PDPR: variants seen among roughly 807,000 people sequenced by gnomAD.
The protein encoded by PDPR is pyruvate dehydrogenase phosphatase regulatory subunit, mitochondrial.
A neutral mutation model predicts 102.2 loss-of-function variants in PDPR; 50 were observed. That is an observed-to-expected ratio of 0.49 (90% CI 0.39 to 0.62). PDPR has a LOEUF of 0.62. Ranked by LOEUF, PDPR falls within the 20% of genes least tolerant of loss-of-function variation. The pLI, the probability that PDPR is intolerant of heterozygous loss-of-function variation, is 0.00. For synonymous variants in PDPR, 259 were observed against 406.0 expected, an observed-to-expected ratio of 0.64 and a Z score of 4.35; for missense variants, 625 against 1,098.2, an observed-to-expected ratio of 0.57 and a Z score of 6.09.
chr16:70,144,010 G>A (rs1489294697), intron 14 of PDPR, among the ~76,000 whole-genome samples: 2 of 152,172 alleles, frequency 1.3e-5, no homozygotes, highest in African/African-American at 2.4e-5. Flanking sequence ...TCCCACCTCA[G>A]CTTTCCAGGT....
chr16:70,130,915 TA>T (rs1163877626), intron 7 of PDPR, among the ~76,000 whole-genome samples: 3 of 152,290 alleles, frequency 2.0e-5, no homozygotes, highest in Non-Finnish European at 2.9e-5. Context: ...CTGCTTCTTT[TA>T]AAGCAGATTG....
rs554391709 is a variant in PDPR at position 70,158,094 on chromosome 16, C to T, written c.*1215C>T. On this transcript the variant is annotated 3_prime_UTR_variant, in exon 19 of 19. Transcript: ENST00000288050. The stretch of plus-strand genomic sequence containing the variant: ...TAGAGACCGCTTTTCCTCCTTTCCC[C>T]CCAGGCTCTTTGTTTCCCTCCACCC... 8 of 153,246 alleles carry T rather than the reference C, an allele frequency of 5.2e-5. No homozygotes were observed. In the South Asian group the frequency reaches 1.7e-3, roughly 32 times the overall value. 9.5% of individuals were successfully genotyped at this position (153,246 alleles called of 1,614,324 possible). A position where few individuals can be genotyped will look rare whatever the true frequency, so the allele number is the denominator to read the frequency against.
intron 17 of PDPR, among the ~76,000 whole-genome samples, chr16:70,152,109 C>T (rs536449537): frequency 2.0e-3 from 308 of 152,276 alleles, no homozygotes; most frequent in Non-Finnish European, 3.3e-3. Context: ...GTATTCTCCT[C>T]GTCCTGCCGC....
In PDPR at chr16:70,153,499, T is replaced by A. The variant is rs200724918; in HGVS notation, c.2161T>A (p.Phe721Ile). The change falls in exon 18 of 19, where the codon TTC becomes ATC. Residue 721 changes from phenylalanine to isoleucine, a missense_variant. By Grantham distance (21) the Phe-to-Ile change is conservative. Around this residue, in one of 11 missense-constraint regions of PDPR, gnomAD observed 303 missense variants for 258.9 expected, o/e 1.17. Transcript: ENST00000288050. ...TCTCCGAATTGAGAAGTTTTTTGCC[T>A]TCTGGGGTCAGGATATAAATAACCT... is the stretch of plus-strand genomic sequence containing the variant. ...RSLRIEKFFA[F>I]WGQDINNLTT... 6.2e-7 allele frequency: 1 copy of A among 1,613,056 alleles called. No homozygotes were observed.
At position 70,158,804 on chromosome 16, in the gene PDPR, C is replaced by A. The variant is rs1967495583; in HGVS notation, c.*1925C>A. 1 of 152,874 alleles carries A rather than the reference C, an allele frequency of 6.5e-6. No homozygotes were observed. Among genetic ancestry groups the A allele is most frequent in the South Asian group, 2.1e-4 (1 of 4,836 alleles). The allele number at this position is 152,874 out of a possible 1,614,324, so 9.5% of individuals were successfully genotyped here. On this transcript the variant is annotated 3_prime_UTR_variant, in exon 19 of 19. Transcript: ENST00000288050. ...GCATTACCAGCAGGGAGCAGACTTA[C>A]CTCCGAAGATGGAGACAGGTGACTG...
intron 18 of PDPR, among the ~76,000 whole-genome samples, chr16:70,154,859 G>A (rs976043133): frequency 3.3e-5 from 5 of 152,328 alleles, no homozygotes; most frequent in Admixed American, 2.0e-4. Flanking sequence ...GGGTGGTCTC[G>A]AACTCCTGAG....
At chr16:70,133,460 C>T (rs1964766458) in intron 9 of PDPR, among the ~76,000 whole-genome samples, 2 of 130,176 alleles carry the variant, frequency 1.5e-5, no homozygotes, top group Non-Finnish European at 3.1e-5. Flanking sequence ...CTCTGTCGCC[C>T]AGACTGGAGT....
rs71385645 is a variant in PDPR, at chr16:70,158,559, TAA to T, written c.*1682_*1683del. 8.6e-5 allele frequency: 1 copy of T among 11,568 alleles called. No homozygotes were observed. Among genetic ancestry groups the T allele is most frequent in the African/African-American group, 2.4e-4 (1 of 4,178 alleles). 0.7% of individuals were successfully genotyped at this position (11,568 alleles called of 1,614,324 possible). ...CCTAGTGATTACTGACTTTAGTGCCTAAACCTTTTTGGAAGGTTCTGGTTGGC... is the reference window on the plus strand; with the variant it reads ...CCTAGTGATTACTGACTTTAGTGCCTACCTTTTTGGAAGGTTCTGGTTGGC... On this transcript the variant is annotated 3_prime_UTR_variant, in exon 19 of 19. Coordinates refer to ENST00000288050, the MANE Select transcript of PDPR (RefSeq NM_017990.5).
In PDPR at chr16:70,156,836, G is replaced by C. The variant is rs375340611; in HGVS notation, c.2597G>C (p.Arg866Pro). The C allele has an allele frequency of 6.2e-7, 1 of 1,613,970 alleles. No homozygotes were observed. The change falls in exon 19 of 19, where the codon CGC becomes CCC. Residue 866 changes from arginine (R) to proline (P), a missense_variant. Around this residue, in one of 11 missense-constraint regions of PDPR, gnomAD observed 303 missense variants for 258.9 expected, o/e 1.17. Coordinates refer to ENST00000288050, the MANE Select transcript of PDPR (RefSeq NM_017990.5). ...GTCGCCTCCCTCTTCACCCAGAAGC[G>C]CCGAAAGGATGACATGGAGCTGAGT... ...YPVASLFTQK[R>P]RKDDMELSDL... is the part of the protein sequence containing the mutation.
Position 70,160,566 on chromosome 16 carries a change from G to T in PDPR, c.*3687G>T, listed in dbSNP as rs912261653. 2 of 152,566 alleles carry T rather than the reference G, an allele frequency of 1.3e-5. No individual in the cohort carries two copies. The highest frequency in any genetic ancestry group is 6.5e-5 in the Admixed American group (1 of 15,288). The allele number at this position is 152,566 out of a possible 1,614,324, so 9.5% of individuals were successfully genotyped here. Reference sequence around the variant, plus strand: ...CCCCGGTTTCACTCTGGCCCCAGGAGTGGAGCCTGGCCACTCCTGTTTGGT... The same window carrying T: ...CCCCGGTTTCACTCTGGCCCCAGGATTGGAGCCTGGCCACTCCTGTTTGGT... On this transcript the variant is annotated 3_prime_UTR_variant, in exon 19 of 19. Transcript: ENST00000288050.
intron 17 of PDPR, among the ~76,000 whole-genome samples, chr16:70,150,610 T>C (rs1461825628): frequency 6.6e-6 from 1 of 150,756 alleles, no homozygotes; most frequent in African/African-American, 2.4e-5. Context: ...GAGGCTGAAG[T>C]GATCCCCCTG....
Position 70,157,071 on chromosome 16 carries a change from C to T in PDPR, c.*192C>T, listed in dbSNP as rs992875334. 4.2e-5 allele frequency: 34 copies of T among 800,476 alleles called. No individual in the cohort carries two copies. The Admixed American group carries it at 6.2e-4, about 15-fold the overall frequency. 49.6% of individuals were successfully genotyped at this position (800,476 alleles called of 1,614,324 possible). ...TGCAGCCTTCCTTGCCCTTCCACCTCCTCCTCCTAATATTCACTCTGGGCT... is the reference window on the plus strand; with the variant it reads ...TGCAGCCTTCCTTGCCCTTCCACCTTCTCCTCCTAATATTCACTCTGGGCT... On this transcript the variant is annotated 3_prime_UTR_variant, in exon 19 of 19. Coordinates refer to ENST00000288050, the MANE Select transcript of PDPR (RefSeq NM_017990.5).
intron 9 of PDPR, 75 bp from the exon 10 acceptor site, chr16:70,136,119 A>C (rs1275955001): frequency 3.6e-5 from 40 of 1,102,310 alleles, no homozygotes; most frequent in Admixed American, 2.6e-4. Context: ...GGAGAGTGTA[A>C]AAAAGTAGAG....
In PDPR at chr16:70,120,606, C is replaced by A. The variant is rs761935756; in HGVS notation, c.114C>A (p.Ala38=). Residue 38 remains alanine, a synonymous_variant, in exon 3 of 19, where the codon GCC becomes GCA. Coordinates refer to ENST00000288050, the MANE Select transcript of PDPR (RefSeq NM_017990.5). ...CAGCTGCCGAGGCGCGTTCCATGGCCCTGCCCACCCAGGCACAGGTGGTCA... is the reference window on the plus strand; with the variant it reads ...CAGCTGCCGAGGCGCGTTCCATGGCACTGCCCACCCAGGCACAGGTGGTCA... ...STSAAEARSM[A]LPTQAQVVIC... 6.2e-7 allele frequency: 1 copy of A among 1,613,856 alleles called. No individual in the cohort carries two copies. The highest frequency in any genetic ancestry group is 1.1e-5 in the South Asian group (1 of 91,088).
In PDPR at chr16:70,132,236, A is replaced by G. The variant is rs368684696; in HGVS notation, c.933A>G (p.Pro311=). 11 of 1,613,934 alleles carry G rather than the reference A, an allele frequency of 6.8e-6. No individual in the cohort carries two copies. In the African/African-American group the frequency reaches 1.5e-4, roughly 22 times the overall value. Residue 311 remains proline (P), a synonymous_variant, in exon 9 of 19, where the codon CCA becomes CCG. Coordinates refer to ENST00000288050, the MANE Select transcript of PDPR (RefSeq NM_017990.5). ...LSGGFEKNPK[P]IFTEGKNQLE... ...GGGGCTTTGAGAAGAACCCGAAACC[A>G]ATTTTCACTGAGGGCAAGAACCAGC...
At position 70,157,211 on chromosome 16, in the gene PDPR, C is replaced by G. The variant is rs575131330; in HGVS notation, c.*332C>G. 335 of 567,286 alleles carry G rather than the reference C, an allele frequency of 5.9e-4. No homozygotes were observed. The highest frequency in any genetic ancestry group is 5.0e-3 in the African/African-American group (270 of 54,072). The allele number at this position is 567,286 out of a possible 1,614,324, so 35.1% of individuals were successfully genotyped here. Reference sequence around the variant, plus strand: ...TGATGGTGACAGCTGCTTTCAAATTCTGCATCTCAAGGCAGGGCAAGCCGG... The same window carrying G: ...TGATGGTGACAGCTGCTTTCAAATTGTGCATCTCAAGGCAGGGCAAGCCGG... On this transcript the variant is annotated 3_prime_UTR_variant, in exon 19 of 19. Coordinates refer to ENST00000288050, the MANE Select transcript of PDPR (RefSeq NM_017990.5).
chr16:70,156,215 G>GTCTTGTGA (rs1967165745), intron 18 of PDPR: 1 of 529,512 alleles, frequency 1.9e-6, no homozygotes, highest in African/African-American at 1.9e-5. Context: ...GTTCTATCTG[G>GTCTTGTGA]TCTTGTGACT....
intron 2 of PDPR, 28 bp from the exon 3 acceptor site, chr16:70,120,433 A>G (rs1329143039): frequency 1.8e-5 from 21 of 1,189,688 alleles, no homozygotes; most frequent in Non-Finnish European, 2.6e-5. Flanking sequence ...GTAGAATGGC[A>G]TGAAATATGT....
At chr16:70,119,762 T>C (rs2152058791) in intron 2 of PDPR, among the ~76,000 whole-genome samples, 1 of 139,546 alleles carries the variant, frequency 7.2e-6, no homozygotes. Context: ...TATGTTTATT[T>C]GTATATTGAT....
Sources: allele counts gnomAD v4.1 joint callset (sites outside exome capture counted in the v4.1 genomes callset), GRCh38; gene constraint gnomAD v4.1.1; regional missense constraint gnomAD v4.1.1; transcripts MANE v1.5; gene names NCBI Gene and HGNC (gene_info 2026-07-23, HGNC 2026-07-21).